Variants in NEXMIF observed in about 807,000 individuals in gnomAD.
NEXMIF encodes XLMR protein related to neurite extension.
NEXMIF carries 8 observed loss-of-function variants against 62.1 expected under a neutral mutation model. The ratio of observed to expected loss-of-function variants is 0.13; its 90% CI spans 0.08 to 0.23. NEXMIF has a LOEUF of 0.23. Among genes scored for constraint, NEXMIF ranks in the 10% least tolerant of loss-of-function variants. The probability of loss-of-function intolerance (pLI) is 1.00; values close to 1 mark genes in which losing one functional copy is unlikely to be tolerated. For missense variants in NEXMIF, 976 were observed against 1,113.3 expected (o/e 0.88, Z 1.75); for synonymous variants, 404 against 416.6 (o/e 0.97, Z 0.37).
rs751512604 is a variant in NEXMIF at position 74,744,429 on chromosome X, G to A, written c.128C>T (p.Ala43Val). The A allele has an allele frequency of 8.3e-7, 1 of 1,205,604 alleles. No homozygotes were observed. The highest frequency in any genetic ancestry group is 3.0e-5 in the East Asian group (1 of 33,719). ...VAMKSFAALE[A>V]AAPIQPTPVA... ...CGGTGTAGGCTGGATAGGTGCAGCA[G>A]CTTCTAGAGCTGCAAATGACTTCAT... Residue 43 changes from alanine to valine, a missense_variant, in exon 3 of 4, where the codon GCT (alanine) becomes GTT (valine). Ala to Val is a moderately conservative substitution (Grantham distance 64). This residue lies in a region of NEXMIF where 126 missense variants were observed against 146.5 expected (regional missense o/e 0.86). Coordinates refer to ENST00000055682, the MANE Select transcript of NEXMIF (RefSeq NM_001008537.3).
intron 1 of NEXMIF, among the ~76,000 whole-genome samples, chrX:74,886,605 C>A (rs1253561132): frequency 2.7e-5 from 3 of 110,602 alleles, no homozygotes; most frequent in South Asian, 3.9e-4. Context: ...ATGTGAAGGA[C>A]CTCTTCAAGG....
chrX:74,826,411 A>G (rs1393677915), intron 1 of NEXMIF, among the ~76,000 whole-genome samples: 1 of 112,140 alleles, frequency 8.9e-6, no homozygotes, highest in Non-Finnish European at 1.9e-5. Context: ...GATTCTGGAC[A>G]TTAGACCTTT....
intron 1 of NEXMIF, among the ~76,000 whole-genome samples, chrX:74,896,911 C>T (rs1324868202): frequency 3.6e-5 from 4 of 112,130 alleles, no homozygotes; most frequent in Admixed American, 1.9e-4. Context: ...AGAAAATATT[C>T]ATTTTTGTTC....
chrX:74,803,429 G>A (rs984684410), intron 1 of NEXMIF, among the ~76,000 whole-genome samples: 2 of 110,640 alleles, frequency 1.8e-5, no homozygotes, highest in South Asian at 3.8e-4. Context: ...GTAGCCAGGC[G>A]TGGTGGCAGG....
chrX:74,917,896 G>A lies in NEXMIF; in HGVS notation c.-48+6987C>T, dbSNP rs1000789282. ...TTTTGAAGAATCAGAGAGTTGACAA[G>A]TCAATAATTTGGGGAAACTAGTCTT... On this transcript the variant is annotated intron_variant, in intron 1 of 3. Coordinates refer to ENST00000055682, the MANE Select transcript of NEXMIF (RefSeq NM_001008537.3). Among the ~76,000 whole-genome samples the A allele has an allele frequency of 2.7e-5, 3 of 111,531 alleles. No homozygotes were observed. In the Admixed American group the frequency reaches 2.9e-4, roughly 11 times the overall value.
At position 74,877,953 on chromosome X, in the gene NEXMIF, G is replaced by A. The variant is rs139902696; in HGVS notation, c.-48+46930C>T. Among the ~76,000 whole-genome samples, 729 of 111,916 alleles carry A rather than the reference G, an allele frequency of 6.5e-3. 10 individuals are homozygous for A. Among genetic ancestry groups the A allele is most frequent in the African/African-American group, 0.022 (689 of 30,790 alleles). On this transcript the variant is annotated intron_variant, in intron 1 of 3. Transcript: ENST00000055682. ...TGGTTTGAATGTCCTCCCCTGGCTCGGAGTAATTTGATCGTCTGAAGCCTT... is the reference window on the plus strand; with the variant it reads ...TGGTTTGAATGTCCTCCCCTGGCTCAGAGTAATTTGATCGTCTGAAGCCTT...
At position 74,734,724 on chromosome X, in the gene NEXMIF, C is replaced by T. The variant is rs976070420; in HGVS notation, c.*4681G>A. ...TCTTTTACATTGTCCTTCTCCAATG[C>T]CTTACCTCTTAGTTACGATTCTGAA... On this transcript the variant is annotated 3_prime_UTR_variant, in exon 4 of 4. Coordinates refer to ENST00000055682, the MANE Select transcript of NEXMIF (RefSeq NM_001008537.3). 8.9e-6 allele frequency: 1 copy of T among 112,151 alleles called. No homozygotes were observed. Among genetic ancestry groups the T allele is most frequent in the African/African-American group, 3.2e-5 (1 of 30,776 alleles). The allele number at this position is 112,151 out of a possible 1,213,427, so 9.2% of individuals were successfully genotyped here.
intron 1 of NEXMIF, among the ~76,000 whole-genome samples, chrX:74,772,091 T>A (rs1165596796): frequency 1.8e-5 from 2 of 112,077 alleles, no homozygotes; most frequent in East Asian, 5.6e-4. Flanking sequence ...AGGTCCTTCC[T>A]TCATCTTTTC....
At chrX:74,875,540 T>C (rs1167148669) in intron 1 of NEXMIF, among the ~76,000 whole-genome samples, 1 of 112,137 alleles carries the variant, frequency 8.9e-6, no homozygotes, top group Non-Finnish European at 1.9e-5. Context: ...CCTCTTTTTC[T>C]ATTGATTGGA....
chrX:74,743,289 T>A lies in NEXMIF; in HGVS notation c.1268A>T (p.Asn423Ile), dbSNP rs781494679. The change falls in exon 3 of 4, where the codon AAT becomes ATT. Residue 423 changes from asparagine (N) to isoleucine (I), a missense_variant. Asn to Ile is a moderately radical substitution (Grantham distance 149). This residue lies in a region of NEXMIF where 639 missense variants were observed against 694.5 expected (regional missense o/e 0.92). Coordinates refer to ENST00000055682, the MANE Select transcript of NEXMIF (RefSeq NM_001008537.3). ...CSGTEVEQLK[N>I]PKQGHLANSL... Reference sequence around the variant, plus strand: ...ATTAGCAAGATGGCCCTGCTTTGGATTCTTAAGTTGCTCTACTTCAGTCCC... The same window carrying A: ...ATTAGCAAGATGGCCCTGCTTTGGAATCTTAAGTTGCTCTACTTCAGTCCC... 3.3e-6 allele frequency: 4 copies of A among 1,211,843 alleles called. No individual in the cohort carries two copies. In the South Asian group the frequency reaches 7.0e-5, roughly 21 times the overall value.
At chrX:74,807,023 T>G (rs1374286515) in intron 1 of NEXMIF, among the ~76,000 whole-genome samples, 1 of 112,536 alleles carries the variant, frequency 8.9e-6, no homozygotes, top group African/African-American at 3.2e-5. Context: ...TGTTGGATAT[T>G]CTATCTTTTA....
chrX:74,917,869 C>T (rs1416532046), intron 1 of NEXMIF, among the ~76,000 whole-genome samples: 1 of 111,169 alleles, frequency 9.0e-6, no homozygotes, highest in African/African-American at 3.3e-5. Flanking sequence ...GCTGAACAGG[C>T]ATTTTGAAGA....
intron 1 of NEXMIF, among the ~76,000 whole-genome samples, chrX:74,788,825 T>C (rs1026995917): frequency 9.0e-6 from 1 of 110,573 alleles, no homozygotes. Context: ...TAGAGTGATA[T>C]AATTTTCAGT....
chrX:74,774,633 T>C (rs1221317437), intron 1 of NEXMIF, among the ~76,000 whole-genome samples: 1 of 112,132 alleles, frequency 8.9e-6, no homozygotes, highest in African/African-American at 3.2e-5. Flanking sequence ...TTTGATACTT[T>C]AGGTAAGTAC....
At chrX:74,853,530 T>A (rs774050449) in intron 1 of NEXMIF, among the ~76,000 whole-genome samples, 1 of 109,816 alleles carries the variant, frequency 9.1e-6, no homozygotes, top group Non-Finnish European at 1.9e-5. Context: ...ATCATTTACA[T>A]ATAAAAGCTC....
intron 1 of NEXMIF, among the ~76,000 whole-genome samples, chrX:74,889,721 G>A (rs1258864082): frequency 5.4e-5 from 6 of 110,299 alleles, no homozygotes; most frequent in Non-Finnish European, 1.1e-4. Context: ...CTGTGAAAGT[G>A]ATAAAAATTC....
At chrX:74,867,328 C>T (rs867432610) in intron 1 of NEXMIF, among the ~76,000 whole-genome samples, 5 of 111,825 alleles carry the variant, frequency 4.5e-5, no homozygotes, top group Non-Finnish European at 5.6e-5. Context: ...CCATGACAAT[C>T]CTAAGCAAAA....
At chrX:74,796,142 A>C (rs771793799) in intron 1 of NEXMIF, among the ~76,000 whole-genome samples, 1 of 75,622 alleles carries the variant, frequency 1.3e-5, no homozygotes, top group South Asian at 5.5e-4. Flanking sequence ...TAATATATAT[A>C]TTATATATAT....
chrX:74,887,186 C>CGA (rs2080698174), intron 1 of NEXMIF, among the ~76,000 whole-genome samples: 1 of 111,976 alleles, frequency 8.9e-6, no homozygotes, highest in African/African-American at 3.3e-5. Flanking sequence ...AGACCTAAAA[C>CGA]CATAAAAACC....
Sources: gnomAD v4.1 joint callset for allele counts (sites outside exome capture counted in the v4.1 genomes callset) on GRCh38, gnomAD v4.1.1 for gene constraint, gnomAD v4.1.1 regional missense constraint, MANE v1.5 for transcripts, NCBI Gene and HGNC (gene_info 2026-07-23, HGNC 2026-07-21) for gene names.